PROC: variants seen among roughly 807,000 people sequenced by gnomAD.
The protein encoded by PROC is protein C, inactivator of coagulation factors Va and VIIIa, also known as vitamin K-dependent protein C.
PROC carries 22 observed loss-of-function variants against 36.3 expected under a neutral mutation model. That is an observed-to-expected ratio of 0.61 (90% CI 0.43 to 0.86). The LOEUF (loss-of-function observed/expected upper bound fraction) is 0.86, where lower values mean the gene tolerates loss of function less well. PROC is among the 40% of genes least tolerant of loss of function. PROC has a pLI of 0.00. For synonymous variants in PROC, 218 were observed against 244.5 expected (o/e 0.89, Z 1.01); for missense variants, 526 against 629.7 (o/e 0.84, Z 1.76).
chr2:127,425,984 C>A (rs1688468096), intron 6 of PROC, 101 bp from the exon 7 acceptor site: 3 of 1,406,192 alleles, frequency 2.1e-6, no homozygotes, highest in Admixed American at 3.5e-5. Context: ...TTGAACCCTG[C>A]ACTGTGGCAA....
rs761888935 is a variant in PROC, at chr2:127,428,848, C to T, written c.1288C>T (p.His430Tyr). 1 of 1,612,980 alleles carries T rather than the reference C, an allele frequency of 6.2e-7. No homozygotes were observed. Among genetic ancestry groups the T allele is most frequent in the Non-Finnish European group, 8.5e-7 (1 of 1,179,408 alleles). Residue 430 changes from histidine (H) to tyrosine (Y), a missense_variant, in exon 9 of 9, where the codon CAC becomes TAC. Physicochemically the swap from His to Tyr is moderately conservative, Grantham distance 83 (BLOSUM62 2). Transcript: ENST00000234071. The stretch of plus-strand genomic sequence containing the variant: ...CTGGGGTGAGGGCTGTGGGCTCCTT[C>T]ACAACTACGGCGTTTACACCAAAGT... ...VSWGEGCGLLHNYGVYTKVSR... is the reference protein window; with the variant it reads ...VSWGEGCGLLYNYGVYTKVSR...
intron 7 of PROC, 42 bp from the exon 8 acceptor site, chr2:127,427,063 C>G (rs1030918155): frequency 1.3e-6 from 2 of 1,567,906 alleles, no homozygotes; most frequent in South Asian, 2.2e-5. Flanking sequence ...TGGAGGCTGT[C>G]AGGAGGCAGC....
intron 3 of PROC, among the ~76,000 whole-genome samples, chr2:127,422,410 G>A (rs1239914463): frequency 6.6e-6 from 1 of 152,268 alleles, no homozygotes; most frequent in Non-Finnish European, 1.5e-5. Context: ...CTCAACGTGG[G>A]CTGGGTGGTC....
chr2:127,420,171 G>A lies in PROC; in HGVS notation c.70+159G>A, dbSNP rs141253817. Among the ~76,000 whole-genome samples, 383 of 152,336 alleles carry A rather than the reference G, an allele frequency of 2.5e-3. 2 individuals carry two copies. Among genetic ancestry groups the A allele is most frequent in the African/African-American group, 8.4e-3 (350 of 41,570 alleles). On this transcript the variant is annotated intron_variant, in intron 2 of 8. Coordinates refer to ENST00000234071, the MANE Select transcript of PROC (RefSeq NM_000312.4). ...GAATCAACTGACAAGTCCCAGGTAG[G>A]CCAGCTGCCAGAGTGCCACACAGGG...
At chr2:127,421,656 G>A (rs775282420) in intron 3 of PROC, among the ~76,000 whole-genome samples, 2 of 152,186 alleles carry the variant, frequency 1.3e-5, no homozygotes, top group Non-Finnish European at 2.9e-5. Flanking sequence ...CTCCAGGAAA[G>A]AGTGTGGGGT....
Position 127,419,759 on chromosome 2 carries a change from G to A in PROC, c.-21-163G>A. The A allele has an allele frequency of 4.1e-6, 6 of 1,477,360 alleles. No homozygotes were observed. In the East Asian group the frequency reaches 1.2e-4, roughly 31 times the overall value. The allele number at this position is 1,477,360 out of a possible 1,614,324, so 91.5% of individuals were successfully genotyped here. On this transcript the variant is annotated intron_variant, in intron 1 of 8. Coordinates refer to ENST00000234071, the MANE Select transcript of PROC (RefSeq NM_000312.4). ...AGCCCCACGTAGAGCGGGCAGCCGA[G>A]GCCTTCTGAGGCTATGTCTCTAGCG...
In PROC at chr2:127,423,133, A is replaced by G. The variant is rs2104953081; in HGVS notation, c.362A>G (p.Asp121Gly). The change falls in exon 5 of 9, where the codon GAC (aspartate) becomes GGC (glycine). Residue 121 changes from aspartate to glycine, a missense_variant. Asp to Gly is a moderately conservative substitution (Grantham distance 94). Transcript: ENST00000234071. ...CIDGIGSFSC[D>G]CRSGWEGRFC... Reference sequence around the variant, plus strand: ...GACGGCATCGGCAGCTTCAGCTGCGACTGCCGCAGCGGCTGGGAGGGCCGC... The same window carrying G: ...GACGGCATCGGCAGCTTCAGCTGCGGCTGCCGCAGCGGCTGGGAGGGCCGC... 6.2e-7 allele frequency: 1 copy of G among 1,605,186 alleles called. No individual in the cohort carries two copies. Among genetic ancestry groups the G allele is most frequent in the Non-Finnish European group, 8.5e-7 (1 of 1,176,056 alleles).
In PROC at chr2:127,418,611, C is replaced by A; in HGVS notation, c.-22+119C>A. On this transcript the variant is annotated intron_variant, in intron 1 of 8. Transcript: ENST00000234071. The surrounding 1 kb of genome is among the most constrained non-coding windows in gnomAD (Gnocchi z 4.8). ...AGCCAGGGTGCTCAACAAGCCTGAG[C>A]TTGGGGTGAAAGGACACAAGGCCCT... 2 of 969,716 alleles carry A rather than the reference C, an allele frequency of 2.1e-6. No individual in the cohort carries two copies. The highest frequency in any genetic ancestry group is 2.8e-6 in the Non-Finnish European group (2 of 705,084). 60.1% of individuals were successfully genotyped at this position (969,716 alleles called of 1,614,324 possible). A position where few individuals can be genotyped will look rare whatever the true frequency, so the allele number is the denominator to read the frequency against.
At chr2:127,423,446 G>A (rs768923149) in intron 6 of PROC, 38 bp downstream of exon 6, 5 of 1,542,668 alleles carry the variant, frequency 3.2e-6, no homozygotes, top group Non-Finnish European at 4.4e-6. Context: ...GAATCACGCT[G>A]GGTGCAGGGT....
intron 2 of PROC, 122 bp downstream of exon 2, chr2:127,420,134 T>C (rs2104940727): frequency 8.5e-7 from 1 of 1,178,456 alleles, no homozygotes; most frequent in Non-Finnish European, 1.2e-6. Context: ...GAGGGGCAGA[T>C]GGGAATGGCA....
At chr2:127,422,329 A>C (rs563940464) in intron 3 of PROC, among the ~76,000 whole-genome samples, 1 of 152,180 alleles carries the variant, frequency 6.6e-6, no homozygotes, top group Non-Finnish European at 1.5e-5. Context: ...CACCTCACCC[A>C]TGGTCTCTCA....
At chr2:127,423,464 C>T (rs1688263537) in intron 6 of PROC, 56 bp downstream of exon 6, 1 of 1,528,204 alleles carries the variant, frequency 6.5e-7, no homozygotes, top group South Asian at 1.2e-5. Flanking sequence ...GGTGGGCAGG[C>T]CCCCTGACGG....
At position 127,425,368 on chromosome 2, in the gene PROC, T is replaced by C. The variant is rs538624929; in HGVS notation, c.536-717T>C. ...GACGACGTCCCATTGCTCTTTTAAG[T>C]CTAGATATCTGGACTGGGCATTCAA... On this transcript the variant is annotated intron_variant, in intron 6 of 8. Transcript: ENST00000234071. Among the ~76,000 whole-genome samples the C allele has an allele frequency of 2.0e-5, 3 of 152,370 alleles. No homozygotes were observed. The South Asian group carries it at 6.2e-4, about 32-fold the overall frequency.
At chr2:127,425,207 C>T (rs898147563) in intron 6 of PROC, among the ~76,000 whole-genome samples, 4 of 152,342 alleles carry the variant, frequency 2.6e-5, no homozygotes, top group African/African-American at 7.2e-5. Context: ...AGCTTCTGGG[C>T]GCCCCCATCA....
intron 7 of PROC, 48 bp from the exon 8 acceptor site, chr2:127,427,057 G>A (rs374369338): frequency 5.3e-5 from 82 of 1,534,784 alleles, no homozygotes; most frequent in African/African-American, 1.5e-4. Context: ...CTGGACTGGA[G>A]GCTGTCAGGA....
intron 1 of PROC, 94 bp from the exon 2 acceptor site, chr2:127,419,828 A>G: frequency 2.5e-6 from 4 of 1,599,736 alleles, no homozygotes; most frequent in Non-Finnish European, 2.6e-6. Context: ...CGGCCAGCAC[A>G]CAGGGACAGC....
In PROC at chr2:127,426,115, G is replaced by A. The variant is rs1270397879; in HGVS notation, c.566G>A (p.Arg189Gln). ...VKFPCGRPWK[R>Q]MEKKRSHLKR... ...TTCCCTTGTGGGAGGCCCTGGAAGC[G>A]GATGGAGAAGAAGCGCAGTCACCTG... The change falls in exon 7 of 9, where the codon CGG (arginine) becomes CAG (glutamine). Residue 189 changes from arginine (R) to glutamine (Q), a missense_variant. Physicochemically the swap from Arg to Gln is conservative, Grantham distance 43 (BLOSUM62 1). Transcript: ENST00000234071. This position sits in a 1 kb window ranked among gnomAD's most constrained non-coding sequence, Gnocchi z 7.0. 1.2e-5 allele frequency: 19 copies of A among 1,613,962 alleles called. No individual in the cohort carries two copies. The highest frequency in any genetic ancestry group is 4.0e-5 in the African/African-American group (3 of 74,912).
At chr2:127,423,519 G>A in intron 6 of PROC, 111 bp downstream of exon 6, 1 of 1,403,662 alleles carries the variant, frequency 7.1e-7, no homozygotes, top group Non-Finnish European at 9.5e-7. Flanking sequence ...GAGGGAGCGA[G>A]GAACAGAGTT....
At position 127,418,457 on chromosome 2, in the gene PROC, G is replaced by T. The variant is rs1291072296; in HGVS notation, c.-57G>T. 7.8e-7 allele frequency: 1 copy of T among 1,289,806 alleles called. No homozygotes were observed. The highest frequency in any genetic ancestry group is 2.3e-5 in the Admixed American group (1 of 43,576). 79.9% of individuals were successfully genotyped at this position (1,289,806 alleles called of 1,614,324 possible). A position where few individuals can be genotyped will look rare whatever the true frequency, so the allele number is the denominator to read the frequency against. On this transcript the variant is annotated 5_prime_UTR_variant, in exon 1 of 9. Transcript: ENST00000234071. This position sits in a 1 kb window ranked among gnomAD's most constrained non-coding sequence, Gnocchi z 4.8. ...GAACTCCAGGCTGTCATGGCGGCAGGACGGCGAACTTGCAGTATCTCCACG... is the reference window on the plus strand; with the variant it reads ...GAACTCCAGGCTGTCATGGCGGCAGTACGGCGAACTTGCAGTATCTCCACG...
Sources: allele counts gnomAD v4.1 joint callset (sites outside exome capture counted in the v4.1 genomes callset), GRCh38; gene constraint gnomAD v4.1.1; non-coding constraint Gnocchi (gnomAD v3.1); transcripts MANE v1.5; gene names NCBI Gene and HGNC (gene_info 2026-07-23, HGNC 2026-07-21).